PIGK: variants seen among roughly 807,000 people sequenced by gnomAD.
PIGK encodes the protein GPI-anchor transamidase.
In PIGK, 42 loss-of-function variants were observed where a neutral mutation model predicts 50.6. The ratio of observed to expected loss-of-function variants is 0.83; its 90% confidence interval spans 0.65 to 1.07. The LOEUF (loss-of-function observed/expected upper bound fraction) is 1.07, where lower values mean the gene tolerates loss of function less well. Ranked by LOEUF, PIGK falls within the 50% of genes least tolerant of loss-of-function variation. PIGK has a pLI of 0.00. For synonymous variants in PIGK, 151 were observed against 156.0 expected (o/e 0.97, Z 0.24); for missense variants, 448 against 488.7 (o/e 0.92, Z 0.78).
intron 10 of PIGK, among the ~76,000 whole-genome samples, chr1:77,093,225 TC>T (rs1653337402): frequency 6.6e-6 from 1 of 152,088 alleles, no homozygotes; most frequent in Admixed American, 6.6e-5. Flanking sequence ...CCCTGCACAC[TC>T]CCTGGGATCA....
intron 10 of PIGK, among the ~76,000 whole-genome samples, chr1:77,106,608 T>A (rs1363721948): frequency 1.3e-5 from 2 of 152,180 alleles, no homozygotes; most frequent in Non-Finnish European, 2.9e-5. Context: ...ATCTTTCCCA[T>A]GGATAAAGGC....
At position 77,092,501 on chromosome 1, in the gene PIGK, A is replaced by G; in HGVS notation, c.1072-11T>C. On this transcript the variant is annotated splice_polypyrimidine_tract_variant and intron_variant, in intron 10 of 10. Coordinates refer to ENST00000370812, the MANE Select transcript of PIGK (RefSeq NM_005482.3). ...TTTCAGCTTCGGTTTCTGCAAAACAAGAATAACATGATAAATTTTATAACA... is the reference window on the plus strand; with the variant it reads ...TTTCAGCTTCGGTTTCTGCAAAACAGGAATAACATGATAAATTTTATAACA... The G allele has an allele frequency of 1.5e-6, 2 of 1,318,420 alleles. No individual in the cohort carries two copies. Among genetic ancestry groups the G allele is most frequent in the South Asian group, 2.5e-5 (2 of 80,040 alleles). 81.7% of individuals were successfully genotyped at this position (1,318,420 alleles called of 1,614,324 possible).
At chr1:77,152,548 T>G (rs1654916171) in intron 9 of PIGK, among the ~76,000 whole-genome samples, 1 of 151,856 alleles carries the variant, frequency 6.6e-6, no homozygotes, top group Non-Finnish European at 1.5e-5. Context: ...GGAAACAATG[T>G]TTAAGGTGAA....
rs188682024 is a variant in PIGK, at chr1:77,098,871, A to G, written c.1072-6381T>C. Among the ~76,000 whole-genome samples the G allele has an allele frequency of 3.3e-4, 50 of 152,298 alleles. No individual in the cohort carries two copies. The South Asian group carries it at 5.4e-3, about 16-fold the overall frequency. On this transcript the variant is annotated intron_variant, in intron 10 of 10. Transcript: ENST00000370812. ...CACTTGAAAAAAATCATTTTTCTTC[A>G]TCATAAACACAATATATTAAGTATT...
intron 3 of PIGK, among the ~76,000 whole-genome samples, chr1:77,192,582 T>C (rs2100576884): frequency 6.6e-6 from 1 of 152,288 alleles, no homozygotes; most frequent in Non-Finnish European, 1.5e-5. Flanking sequence ...TTTTCTACCA[T>C]ATTGAATAAT....
chr1:77,185,513 A>G (rs1372449789), intron 3 of PIGK, among the ~76,000 whole-genome samples: 3 of 152,092 alleles, frequency 2.0e-5, no homozygotes, highest in African/African-American at 7.2e-5. Flanking sequence ...AAGGTGAAGG[A>G]TAAGTTGCTG....
intron 10 of PIGK, 111 bp downstream of exon 10, chr1:77,122,164 C>A: frequency 1.5e-6 from 1 of 664,290 alleles, no homozygotes. Context: ...ATAGACAGCC[C>A]AGAATGCCTT....
chr1:77,092,356 C>G lies in PIGK; in HGVS notation c.*18G>C, dbSNP rs764971874. The G allele has an allele frequency of 1.8e-6, 2 of 1,108,272 alleles. No individual in the cohort carries two copies. Among genetic ancestry groups the G allele is most frequent in the South Asian group, 2.7e-5 (2 of 73,722 alleles). 68.7% of individuals were successfully genotyped at this position (1,108,272 alleles called of 1,614,324 possible). ...CCAAGTTTGCAGTCCTCCATGCATT[C>G]TTCATTCATCATCAAGTCTAAAAAA... On this transcript the variant is annotated 3_prime_UTR_variant, in exon 11 of 11. Transcript: ENST00000370812.
At chr1:77,189,499 A>T (rs2100574478) in intron 3 of PIGK, among the ~76,000 whole-genome samples, 1 of 152,006 alleles carries the variant, frequency 6.6e-6, no homozygotes, top group East Asian at 1.9e-4. Flanking sequence ...CTAGAATATA[A>T]AGCAGACAGA....
At chr1:77,158,220 T>C (rs1655056830) in intron 8 of PIGK, among the ~76,000 whole-genome samples, 1 of 152,064 alleles carries the variant, frequency 6.6e-6, no homozygotes, top group African/African-American at 2.4e-5. Context: ...TTTCACCATG[T>C]TGGCCAGGCT....
rs376726229 is a variant in PIGK, at chr1:77,094,185, A to T, written c.1072-1695T>A. Among the ~76,000 whole-genome samples, 8 of 152,278 alleles carry T rather than the reference A, an allele frequency of 5.3e-5. No individual in the cohort carries two copies. The South Asian group carries it at 1.7e-3, about 32-fold the overall frequency. ...CGGGAAAAGGTTACCGTTATTCATTATTAGTGGAAGCACATTTTATACAAC... is the reference window on the plus strand; with the variant it reads ...CGGGAAAAGGTTACCGTTATTCATTTTTAGTGGAAGCACATTTTATACAAC... On this transcript the variant is annotated intron_variant, in intron 10 of 10. Transcript: ENST00000370812.
chr1:77,121,514 G>A (rs779618914), intron 10 of PIGK, among the ~76,000 whole-genome samples: 1 of 152,032 alleles, frequency 6.6e-6, no homozygotes, highest in Non-Finnish European at 1.5e-5. Flanking sequence ...ATGGAAAAAG[G>A]CATATGGAAA....
chr1:77,132,972 T>G (rs1654412169), intron 9 of PIGK, among the ~76,000 whole-genome samples: 1 of 152,136 alleles, frequency 6.6e-6, no homozygotes, highest in African/African-American at 2.4e-5. Context: ...TTCAGCATTT[T>G]GACTATGATG....
chr1:77,114,957 A>G (rs1357324376), intron 10 of PIGK, among the ~76,000 whole-genome samples: 5 of 152,220 alleles, frequency 3.3e-5, no homozygotes, highest in Non-Finnish European at 7.4e-5. Flanking sequence ...GGGATTCAGC[A>G]TCCTTTTGAT....
chr1:77,098,161 C>T (rs1159676509), intron 10 of PIGK, among the ~76,000 whole-genome samples: 1 of 151,800 alleles, frequency 6.6e-6, no homozygotes, highest in African/African-American at 2.4e-5. Flanking sequence ...CATTTGGAAA[C>T]AAAATCAATT....
At chr1:77,096,880 TC>T (rs1161216382) in intron 10 of PIGK, among the ~76,000 whole-genome samples, 6 of 99,642 alleles carry the variant, frequency 6.0e-5, no homozygotes, top group African/African-American at 2.4e-4. Context: ...TTCGGGTTTT[TC>T]TTTTTTTTTT....
At chr1:77,111,546 G>A (rs151338636) in intron 10 of PIGK, among the ~76,000 whole-genome samples, 1,706 of 148,860 alleles carry the variant, frequency 0.011, 35 homozygotes, top group African/African-American at 0.04. Context: ...TCATAGGTGG[G>A]AATTGAACAA....
At chr1:77,126,932 C>A (rs1654246175) in intron 9 of PIGK, among the ~76,000 whole-genome samples, 2 of 152,092 alleles carry the variant, frequency 1.3e-5, no homozygotes, top group African/African-American at 4.8e-5. Context: ...TTTCCAAGGT[C>A]CTTCACTAAG....
chr1:77,111,246 C>G (rs1553180187), intron 10 of PIGK, among the ~76,000 whole-genome samples: 3 of 152,138 alleles, frequency 2.0e-5, no homozygotes, highest in Non-Finnish European at 4.4e-5. Context: ...ACCCAGCCAT[C>G]CTATTACCGG....
Sources: gnomAD v4.1 joint callset for allele counts (sites outside exome capture counted in the v4.1 genomes callset) on GRCh38, gnomAD v4.1.1 for gene constraint, MANE v1.5 for transcripts, NCBI Gene and HGNC (gene_info 2026-07-23, HGNC 2026-07-21) for gene names.